Variants in NXN observed in about 807,000 individuals in gnomAD.
NXN encodes the protein nucleoredoxin.
In NXN, 16 loss-of-function variants were observed where a neutral mutation model predicts 48.6. That is an observed-to-expected ratio of 0.33 (90% CI 0.22 to 0.50). The LOEUF (loss-of-function observed/expected upper bound fraction) is 0.50. Ranked by LOEUF, NXN falls within the 20% of genes least tolerant of loss-of-function variation. The probability of loss-of-function intolerance (pLI) is 0.98; values close to 1 mark genes in which losing one functional copy is unlikely to be tolerated. For missense variants in NXN, 492 were observed against 605.5 expected, an observed-to-expected ratio of 0.81 and a Z score of 1.97; for synonymous variants, 281 against 269.6, an observed-to-expected ratio of 1.04 and a Z score of -0.41.
intron 1 of NXN, among the ~76,000 whole-genome samples, chr17:831,665 A>C (rs1466239129): frequency 6.6e-6 from 1 of 151,594 alleles, no homozygotes; most frequent in Non-Finnish European, 1.5e-5. Flanking sequence ...ACACCTGGCT[A>C]ATTTTTGTAT....
chr17:895,020 TTTTTTTTTTTTTTTG>T, intron 1 of NXN, among the ~76,000 whole-genome samples: 3 of 54,552 alleles, frequency 5.5e-5, no homozygotes, highest in African/African-American at 1.5e-4. Context: ...TTTTTTTTTT[TTTTTTTTTTTTTTTG>T]AGACTAAATC....
At chr17:843,399 G>A (rs1209701271) in intron 1 of NXN, among the ~76,000 whole-genome samples, 2 of 152,212 alleles carry the variant, frequency 1.3e-5, no homozygotes, top group Non-Finnish European at 2.9e-5. Context: ...GCTCTTTCTG[G>A]CCGACACCAC....
chr17:813,583 A>C (rs1912291813), intron 5 of NXN, among the ~76,000 whole-genome samples: 1 of 152,386 alleles, frequency 6.6e-6, no homozygotes, highest in East Asian at 1.9e-4. Flanking sequence ...TAAGTTTAGA[A>C]GTATGAATCA....
intron 1 of NXN, among the ~76,000 whole-genome samples, chr17:866,496 CA>C (rs2068097108): frequency 6.6e-6 from 1 of 152,100 alleles, no homozygotes; most frequent in Non-Finnish European, 1.5e-5. Context: ...CCCTTGTACC[CA>C]GGAGGCGGAG....
chr17:853,542 C>A (rs1041852192), intron 1 of NXN, among the ~76,000 whole-genome samples: 9 of 151,734 alleles, frequency 5.9e-5, no homozygotes, highest in Non-Finnish European at 1.2e-4. Flanking sequence ...CTCGCCCCAG[C>A]TAATTCTTCC....
chr17:852,989 T>G (rs776924790), intron 1 of NXN, among the ~76,000 whole-genome samples: 20 of 152,004 alleles, frequency 1.3e-4, no homozygotes, highest in Non-Finnish European at 2.5e-4. Context: ...TTTTTCTTTT[T>G]TTTTTTGAGA....
intron 1 of NXN, among the ~76,000 whole-genome samples, chr17:859,573 C>T (rs775464009): frequency 2.6e-4 from 39 of 152,076 alleles, no homozygotes; most frequent in African/African-American, 7.5e-4. Context: ...GAAAGGGAAA[C>T]GCAAACTACT....
intron 1 of NXN, chr17:863,815 A>T: frequency 1.3e-6 from 1 of 742,984 alleles, no homozygotes; most frequent in Non-Finnish European, 2.2e-6. Flanking sequence ...ATACAAATGG[A>T]CCCTTGCAAT....
chr17:826,936 C>T (rs1913135534), intron 1 of NXN, among the ~76,000 whole-genome samples: 1 of 152,350 alleles, frequency 6.6e-6, no homozygotes, highest in East Asian at 1.9e-4. Context: ...CAAGCGTGGG[C>T]GGCCTCTGTT....
intron 1 of NXN, among the ~76,000 whole-genome samples, chr17:936,635 G>A (rs1341570538): frequency 6.6e-6 from 1 of 151,220 alleles, no homozygotes; most frequent in African/African-American, 2.4e-5. Flanking sequence ...AATTCTGGTT[G>A]TGCAAACAGT....
intron 1 of NXN, among the ~76,000 whole-genome samples, chr17:826,599 C>T (rs960563591): frequency 1.3e-5 from 2 of 152,246 alleles, no homozygotes; most frequent in Non-Finnish European, 2.9e-5. Flanking sequence ...CCGCTCTCCA[C>T]GGCCCCTTCC....
chr17:900,913 CTTTTTT>C (rs11367844), intron 1 of NXN, among the ~76,000 whole-genome samples: 14,064 of 76,650 alleles, frequency 0.18, 798 homozygotes, highest in Middle Eastern at 0.25. Context: ...GATCTGCATT[CTTTTTT>C]TTTTTTTTTT....
At chr17:898,095 T>A (rs1044468675) in intron 1 of NXN, among the ~76,000 whole-genome samples, 1 of 152,220 alleles carries the variant, frequency 6.6e-6, no homozygotes, top group Non-Finnish European at 1.5e-5. Context: ...GCTGTGCCTT[T>A]CTTCCCCACA....
intron 1 of NXN, among the ~76,000 whole-genome samples, chr17:871,404 T>C (rs996840210): frequency 0.032 from 3,629 of 115,126 alleles, 66 homozygotes; most frequent in Non-Finnish European, 0.047. Flanking sequence ...ATTCACTTTT[T>C]TTTTTTTTTT....
chr17:854,089 G>A (rs1003134384), intron 1 of NXN, among the ~76,000 whole-genome samples: 2 of 152,056 alleles, frequency 1.3e-5, no homozygotes, highest in South Asian at 2.1e-4. Context: ...AAAGCTCCAC[G>A]AGGCCAGGGA....
Position 832,134 on chromosome 17 carries a change from C to T in NXN, c.361-6056G>A, listed in dbSNP as rs754692179. ...TAGAGTGGTTTGCATTTAAGCACCC[C>T]TATTACCCTTCAAACGTAAGCATGT... On this transcript the variant is annotated intron_variant, in intron 1 of 7. Coordinates refer to ENST00000336868, the MANE Select transcript of NXN (RefSeq NM_022463.5). Among the ~76,000 whole-genome samples the T allele has an allele frequency of 8.0e-4, 121 of 151,724 alleles. 2 individuals carry two copies. Among genetic ancestry groups the T allele is most frequent in the Middle Eastern group, 3.4e-3 (1 of 290 alleles).
At position 829,188 on chromosome 17, in the gene NXN, G is replaced by C. The variant is rs558825096; in HGVS notation, c.361-3110C>G. Among the ~76,000 whole-genome samples the C allele has an allele frequency of 1.4e-3, 208 of 149,406 alleles. 1 individual carries two copies. Among genetic ancestry groups the C allele is most frequent in the African/African-American group, 5.0e-3 (202 of 40,512 alleles). ...GGGGTGGTGGGGCAAACAGAGTCTC[G>C]CTCTGTTGCCCAGGCTGGAGTACAG... On this transcript the variant is annotated intron_variant, in intron 1 of 7. Coordinates refer to ENST00000336868, the MANE Select transcript of NXN (RefSeq NM_022463.5).
In NXN at chr17:854,460, A is replaced by G. The variant is rs538531106; in HGVS notation, c.361-28382T>C. Among the ~76,000 whole-genome samples the G allele has an allele frequency of 1.8e-3, 265 of 148,318 alleles. 3 individuals carry two copies. Among genetic ancestry groups the G allele is most frequent in the African/African-American group, 6.2e-3 (248 of 40,176 alleles). ...TCAGGAGACTGAGACCATCCTGGCT[A>G]ACACGGTGAAACCCTGTCTCTACTA... On this transcript the variant is annotated intron_variant, in intron 1 of 7. Coordinates refer to ENST00000336868, the MANE Select transcript of NXN (RefSeq NM_022463.5).
intron 1 of NXN, among the ~76,000 whole-genome samples, chr17:843,053 AAAGAAGG>A (rs1348681642): frequency 3.4e-4 from 40 of 117,392 alleles, no homozygotes; most frequent in South Asian, 1.5e-3. Context: ...AGAAAGAAAG[AAAGAAGG>A]AAGAAAGCAA....
Sources: allele counts gnomAD v4.1 joint callset (sites outside exome capture counted in the v4.1 genomes callset), GRCh38; gene constraint gnomAD v4.1.1; transcripts MANE v1.5; gene names NCBI Gene and HGNC (gene_info 2026-07-23, HGNC 2026-07-21).